ARAP1: variants seen among roughly 807,000 people sequenced by gnomAD.
ARAP1 encodes ArfGAP with RhoGAP domain, ankyrin repeat and PH domain 1.
ARAP1 carries 76 observed loss-of-function variants against 172.2 expected under a neutral mutation model. That is an observed-to-expected ratio of 0.44 (90% CI 0.37 to 0.53). The LOEUF (loss-of-function observed/expected upper bound fraction) is 0.53. Ranked by LOEUF, ARAP1 falls within the 20% of genes least tolerant of loss-of-function variation. ARAP1 has a pLI of 0.00. For synonymous variants in ARAP1, 804 were observed against 803.3 expected (o/e 1.00, Z -0.01); for missense variants, 1,686 against 1,977.5 (o/e 0.85, Z 2.80).
intron 12 of ARAP1, 56 bp downstream of exon 12, chr11:72,707,119 C>T: frequency 6.8e-7 from 1 of 1,476,236 alleles, no homozygotes; most frequent in Non-Finnish European, 9.1e-7. Context: ...ACCTGCCATC[C>T]CAACTGGCCA....
At chr11:72,732,110 C>G (rs1016875239) in intron 2 of ARAP1, among the ~76,000 whole-genome samples, 1 of 151,914 alleles carries the variant, frequency 6.6e-6, no homozygotes, top group Non-Finnish European at 1.5e-5. Flanking sequence ...GACACTATAC[C>G]CTTCTGTATC....
chr11:72,712,265 G>T lies in ARAP1; in HGVS notation c.953C>A (p.Pro318Gln), dbSNP rs746589096. 3.7e-6 allele frequency: 6 copies of T among 1,603,788 alleles called. No individual in the cohort carries two copies. The Admixed American group carries it at 6.8e-5, about 18-fold the overall frequency. ...TIAAPHPMDGPPGGSTPVTPV... is the reference protein window; with the variant it reads ...TIAAPHPMDGQPGGSTPVTPV... The stretch of plus-strand genomic sequence containing the variant: ...TGTGACGGGGGTGGAGCCCCCAGGC[G>T]GCCCGTCCATGGGGTGTGGCGCAGC... Residue 318 changes from proline (P) to glutamine (Q), a missense_variant, in exon 7 of 35, where the codon CCG (proline) becomes CAG (glutamine). Coordinates refer to ENST00000393609, the MANE Select transcript of ARAP1 (RefSeq NM_001040118.3).
intron 1 of ARAP1, among the ~76,000 whole-genome samples, chr11:72,737,628 CTT>C (rs58569661): frequency 2.4e-4 from 34 of 144,076 alleles, no homozygotes; most frequent in East Asian, 2.0e-4. Context: ...CTCATTTGTT[CTT>C]TTTTTTTTTT....
At position 72,695,640 on chromosome 11, in the gene ARAP1, C is replaced by A; in HGVS notation, c.3421-12G>T. 6.2e-7 allele frequency: 1 copy of A among 1,613,986 alleles called. No homozygotes were observed. Among genetic ancestry groups the A allele is most frequent in the Non-Finnish European group, 8.5e-7 (1 of 1,179,958 alleles). On this transcript the variant is annotated splice_polypyrimidine_tract_variant and intron_variant, in intron 24 of 34. Coordinates refer to ENST00000393609, the MANE Select transcript of ARAP1 (RefSeq NM_001040118.3). This position sits in a 1 kb window ranked among gnomAD's most constrained non-coding sequence, Gnocchi z 4.4. ...TCTTCCTCATCCACCTGGGAAGGGG[C>A]GAGAGGCAGGGACAGGTGGTCACCG...
chr11:72,746,840 C>T (rs2135595866), intron 1 of ARAP1, among the ~76,000 whole-genome samples: 1 of 152,356 alleles, frequency 6.6e-6, no homozygotes, highest in East Asian at 1.9e-4. Context: ...AGGTCTCTCA[C>T]TGAGCTAGAG....
intron 3 of ARAP1, among the ~76,000 whole-genome samples, chr11:72,723,931 C>T (rs1306144091): frequency 6.6e-6 from 1 of 152,190 alleles, no homozygotes; most frequent in Non-Finnish European, 1.5e-5. Context: ...TGACAGTGCA[C>T]AAATAACACA....
At chr11:72,706,452 T>A (rs1180613766) in intron 12 of ARAP1, among the ~76,000 whole-genome samples, 2 of 152,014 alleles carry the variant, frequency 1.3e-5, no homozygotes, top group South Asian at 2.1e-4. Flanking sequence ...CTGGGCTACG[T>A]CAGCTCCCAA....
rs772177978 is a variant in ARAP1, at chr11:72,697,659, G to A, written c.2738-10C>T. The A allele has an allele frequency of 5.6e-6, 9 of 1,613,878 alleles. No homozygotes were observed. Among genetic ancestry groups the A allele is most frequent in the Admixed American group, 1.7e-5 (1 of 60,000 alleles). ...CTGTCCCCCTGGATGGCTGTGGAGG[G>A]GTTAGTCAAGGTGAGGCCCAGGTCT... On this transcript the variant is annotated splice_polypyrimidine_tract_variant and intron_variant, in intron 19 of 34. Coordinates refer to ENST00000393609, the MANE Select transcript of ARAP1 (RefSeq NM_001040118.3).
In ARAP1 at chr11:72,695,723, A is replaced by T; in HGVS notation, c.3415T>A (p.Phe1139Ile). ...CCCACTGGCCAGGGACGCACACTAA[A>T]CACCACCACATAGTGGTTAATGAGG... ...EDLINHYVVVFSVDEEELRKQ... is the reference protein window; with the variant it reads ...EDLINHYVVVISVDEEELRKQ... Residue 1139 changes from phenylalanine (F) to isoleucine (I), a missense_variant, in exon 24 of 35, where the codon TTT (phenylalanine) becomes ATT (isoleucine). Transcript: ENST00000393609. The surrounding 1 kb of genome is among the most constrained non-coding windows in gnomAD (Gnocchi z 4.4). 6.2e-7 allele frequency: 1 copy of T among 1,614,124 alleles called. No individual in the cohort carries two copies. The highest frequency in any genetic ancestry group is 8.5e-7 in the Non-Finnish European group (1 of 1,179,990).
Position 72,702,988 on chromosome 11 carries a change from G to A in ARAP1, c.2084C>T (p.Pro695Leu). The change falls in exon 15 of 35, where the codon CCT (proline) becomes CTT (leucine). Residue 695 changes from proline (P) to leucine (L), a missense_variant. Coordinates refer to ENST00000393609, the MANE Select transcript of ARAP1 (RefSeq NM_001040118.3). ...AAGAGCCAGGGGCGTGGGGGCCTCAGGGTCCCCCGAGAAGCAGTTGATCCC... is the reference window on the plus strand; with the variant it reads ...AAGAGCCAGGGGCGTGGGGGCCTCAAGGTCCCCCGAGAAGCAGTTGATCCC... ...GAGINCFSGD[P>L]EAPTPLALAE... 1 of 1,570,084 alleles carries A rather than the reference G, an allele frequency of 6.4e-7. No homozygotes were observed. The highest frequency in any genetic ancestry group is 8.6e-7 in the Non-Finnish European group (1 of 1,159,192).
chr11:72,703,153 G>C, intron 14 of ARAP1, 74 bp from the exon 15 acceptor site: 1 of 1,406,928 alleles, frequency 7.1e-7, no homozygotes, highest in Non-Finnish European at 9.4e-7. Flanking sequence ...CGGGGGAGGA[G>C]AGGAAAGAAA....
At chr11:72,716,946 C>T (rs753049742) in intron 3 of ARAP1, among the ~76,000 whole-genome samples, 14 of 152,162 alleles carry the variant, frequency 9.2e-5, no homozygotes, top group Non-Finnish European at 1.8e-4. Context: ...CCTATGAAGA[C>T]CCCCTGGTGG....
At chr11:72,745,380 AT>A (rs1325204089) in intron 1 of ARAP1, among the ~76,000 whole-genome samples, 1 of 67,584 alleles carries the variant, frequency 1.5e-5, no homozygotes, top group Admixed American at 1.6e-4. Context: ...TTTTTTTTGT[AT>A]TTTTAGTAGA....
In ARAP1 at chr11:72,699,366, G is replaced by A. The variant is rs1377981472; in HGVS notation, c.2438+51C>T. 1.9e-6 allele frequency: 3 copies of A among 1,609,802 alleles called. No individual in the cohort carries two copies. The highest frequency in any genetic ancestry group is 2.2e-5 in the East Asian group (1 of 44,788). ...GGTCTATTTCCCTGTCTCCCCAGTG[G>A]GGGATTGTACCTTATAGCAACCACA... On this transcript the variant is annotated intron_variant, in intron 17 of 34. Transcript: ENST00000393609. This position sits in a 1 kb window ranked among gnomAD's most constrained non-coding sequence, Gnocchi z 4.2.
In ARAP1 at chr11:72,716,121, C is replaced by T. The variant is rs1004763460; in HGVS notation, c.510-1800G>A. The stretch of plus-strand genomic sequence containing the variant: ...CCGGGAGGTGGAGCTTGCAGTGAGC[C>T]GAGATCGCGCCACTGCACTCCAGCC... On this transcript the variant is annotated intron_variant, in intron 3 of 34. Coordinates refer to ENST00000393609, the MANE Select transcript of ARAP1 (RefSeq NM_001040118.3). 7.8e-5 allele frequency among the ~76,000 whole-genome samples: 11 copies of T among 140,578 alleles called. No individual in the cohort carries two copies. In the Admixed American group the frequency reaches 8.4e-4, roughly 11 times the overall value. 92.2% of individuals were successfully genotyped at this position (140,578 alleles called of 152,430 possible). A position where few individuals can be genotyped will look rare whatever the true frequency, so the allele number is the denominator to read the frequency against.
chr11:72,715,186 A>G (rs978344142), intron 3 of ARAP1, among the ~76,000 whole-genome samples: 8 of 152,220 alleles, frequency 5.3e-5, no homozygotes, highest in Admixed American at 4.6e-4. Context: ...AACGGGGGCT[A>G]TATCACTGAC....
Position 72,727,177 on chromosome 11 carries a change from A to G in ARAP1, c.-44-5T>C. 2.0e-6 allele frequency: 3 copies of G among 1,517,136 alleles called. No homozygotes were observed. Among genetic ancestry groups the G allele is most frequent in the Non-Finnish European group, 2.6e-6 (3 of 1,132,402 alleles). The allele number at this position is 1,517,136 out of a possible 1,614,324, so 94.0% of individuals were successfully genotyped here. On this transcript the variant is annotated splice_region_variant and splice_polypyrimidine_tract_variant and intron_variant, in intron 2 of 34. Coordinates refer to ENST00000393609, the MANE Select transcript of ARAP1 (RefSeq NM_001040118.3). The stretch of plus-strand genomic sequence containing the variant: ...CTGGCAGGGCTTTGTCCAGAGCTAG[A>G]ATAGACAGACAGGCACAGGTCAGAG...
rs1281187597 is a variant in ARAP1 at position 72,697,587 on chromosome 11, C to T, written c.2789+11G>A. The T allele has an allele frequency of 6.2e-7, 1 of 1,614,030 alleles. No homozygotes were observed. The highest frequency in any genetic ancestry group is 1.3e-5 in the African/African-American group (1 of 75,030). ...GCCTTCTCAGAGCCCCTCAGGGAGG[C>T]CGTGGCTCACCTCCTTCGCTCCACC... On this transcript the variant is annotated intron_variant, in intron 20 of 34. Transcript: ENST00000393609.
At chr11:72,749,895 C>T (rs1384781064) in intron 1 of ARAP1, among the ~76,000 whole-genome samples, 1 of 151,906 alleles carries the variant, frequency 6.6e-6, no homozygotes, top group Non-Finnish European at 1.5e-5. Flanking sequence ...AGTTCCCTCT[C>T]CCTCTCTCCC....
Sources: allele counts gnomAD v4.1 joint callset (sites outside exome capture counted in the v4.1 genomes callset), GRCh38; gene constraint gnomAD v4.1.1; non-coding constraint Gnocchi (gnomAD v3.1); transcripts MANE v1.5; gene names NCBI Gene and HGNC (gene_info 2026-07-23, HGNC 2026-07-21).